ALDH1A3: variants seen among roughly 807,000 people sequenced by gnomAD.
The protein encoded by ALDH1A3 is retinaldehyde dehydrogenase 3.
In ALDH1A3, 28 loss-of-function variants were observed where a neutral mutation model predicts 57.5. The observed-to-expected ratio is 0.49, with a 90% CI of 0.36 to 0.67. The LOEUF (loss-of-function observed/expected upper bound fraction) is 0.67. Among genes scored for constraint, ALDH1A3 ranks in the 30% least tolerant of loss-of-function variants. The pLI is 0.00. For synonymous variants in ALDH1A3, 281 were observed against 264.8 expected (o/e 1.06, Z -0.59); for missense variants, 507 against 669.4 (o/e 0.76, Z 2.68).
At position 100,887,723 on chromosome 15, in the gene ALDH1A3, G is replaced by C; in HGVS notation, c.345+11G>C. ...CGCGCCACCTTGGCCGTGAGTACATGCACTTGGGGGCCGGTGGGGGATGAG... is the reference window on the plus strand; with the variant it reads ...CGCGCCACCTTGGCCGTGAGTACATCCACTTGGGGGCCGGTGGGGGATGAG... On this transcript the variant is annotated intron_variant, in intron 3 of 12. Transcript: ENST00000329841. The surrounding 1 kb of genome is among the most constrained non-coding windows in gnomAD (Gnocchi z 4.6). The C allele has an allele frequency of 6.3e-7, 1 of 1,575,486 alleles. No homozygotes were observed. Among genetic ancestry groups the C allele is most frequent in the South Asian group, 1.2e-5 (1 of 85,918 alleles).
rs1596124869 is a variant in ALDH1A3 at position 100,893,122 on chromosome 15, A to G, written c.537+116A>G. Reference sequence around the variant, plus strand: ...CTGATTGCACCAGCGTTGAACAAGCATTTTCTTCGTGGCATGGAACTCCAT... The same window carrying G: ...CTGATTGCACCAGCGTTGAACAAGCGTTTTCTTCGTGGCATGGAACTCCAT... On this transcript the variant is annotated intron_variant, in intron 5 of 12. Coordinates refer to ENST00000329841, the MANE Select transcript of ALDH1A3 (RefSeq NM_000693.4). This position sits in a 1 kb window ranked among gnomAD's most constrained non-coding sequence, Gnocchi z 4.8. 1.1e-6 allele frequency: 1 copy of G among 922,740 alleles called. No individual in the cohort carries two copies. The highest frequency in any genetic ancestry group is 1.6e-6 in the Non-Finnish European group (1 of 621,170). 57.2% of individuals were successfully genotyped at this position (922,740 alleles called of 1,614,324 possible). A position where few individuals can be genotyped will look rare whatever the true frequency, so the allele number is the denominator to read the frequency against.
Position 100,895,623 on chromosome 15 carries a change from G to A in ALDH1A3, c.667-310G>A, listed in dbSNP as rs570241409. On this transcript the variant is annotated intron_variant, in intron 6 of 12. Coordinates refer to ENST00000329841, the MANE Select transcript of ALDH1A3 (RefSeq NM_000693.4). ...CATGGAAAGGTGCTGTGCTACAGGC[G>A]GGCCATGGCCACCTTGAAGCATAAC... is the stretch of plus-strand genomic sequence containing the variant. 29 of 387,986 alleles carry A rather than the reference G, an allele frequency of 7.5e-5. 1 individual carries two copies. Among genetic ancestry groups the A allele is most frequent in the South Asian group, 6.0e-4 (17 of 28,228 alleles). The allele number at this position is 387,986 out of a possible 1,614,324, so 24.0% of individuals were successfully genotyped here. A position where few individuals can be genotyped will look rare whatever the true frequency, so the allele number is the denominator to read the frequency against.
chr15:100,900,366 T>A (rs2041753992), intron 8 of ALDH1A3, among the ~76,000 whole-genome samples: 1 of 152,214 alleles, frequency 6.6e-6, no homozygotes, highest in Non-Finnish European at 1.5e-5. Context: ...GGGAATTGAT[T>A]TAACCCCAAA....
chr15:100,905,425 G>T, intron 9 of ALDH1A3, 98 bp from the exon 10 acceptor site: 1 of 1,437,216 alleles, frequency 7.0e-7, no homozygotes. Flanking sequence ...AACATGCAGA[G>T]GGAGGATGGC....
At chr15:100,883,337 C>A (rs1009687175) in intron 1 of ALDH1A3, among the ~76,000 whole-genome samples, 2 of 152,220 alleles carry the variant, frequency 1.3e-5, no homozygotes, top group African/African-American at 4.8e-5. Flanking sequence ...CTCGCTGTTA[C>A]CAAGTGATGA....
intron 12 of ALDH1A3, among the ~76,000 whole-genome samples, chr15:100,911,235 C>T (rs538683154): frequency 6.6e-6 from 1 of 152,328 alleles, no homozygotes; most frequent in Non-Finnish European, 1.5e-5. Context: ...GCTGGAGCAT[C>T]GTGCGGGGGA....
At chr15:100,881,970 AGAGT>A (rs2041551656) in intron 1 of ALDH1A3, among the ~76,000 whole-genome samples, 1 of 152,176 alleles carries the variant, frequency 6.6e-6, no homozygotes, top group Non-Finnish European at 1.5e-5. Flanking sequence ...GAGGCGGCCG[AGAGT>A]GAGGCCACCA....
At chr15:100,896,559 A>G (rs1421621412) in intron 7 of ALDH1A3, among the ~76,000 whole-genome samples, 1 of 152,224 alleles carries the variant, frequency 6.6e-6, no homozygotes, top group Non-Finnish European at 1.5e-5. Flanking sequence ...TGCCTGCCAG[A>G]TTGCTAAGAA....
chr15:100,889,053 G>A lies in ALDH1A3; in HGVS notation c.345+1341G>A, dbSNP rs1205337999. 1 of 152,236 alleles carries A rather than the reference G, an allele frequency of 6.6e-6. No individual in the cohort carries two copies. Among genetic ancestry groups the A allele is most frequent in the Non-Finnish European group, 1.5e-5 (1 of 68,064 alleles). The allele number at this position is 152,236 out of a possible 1,614,324, so 9.4% of individuals were successfully genotyped here. A position where few individuals can be genotyped will look rare whatever the true frequency, so the allele number is the denominator to read the frequency against. On this transcript the variant is annotated intron_variant, in intron 3 of 12. Coordinates refer to ENST00000329841, the MANE Select transcript of ALDH1A3 (RefSeq NM_000693.4). This position sits in a 1 kb window ranked among gnomAD's most constrained non-coding sequence, Gnocchi z 5.1. Reference sequence around the variant, plus strand: ...CCTCAGACCCTCCTCTGGTCATGAGGGAGTGATCAGAGGACATCTCAGGGC... The same window carrying A: ...CCTCAGACCCTCCTCTGGTCATGAGAGAGTGATCAGAGGACATCTCAGGGC...
intron 11 of ALDH1A3, 54 bp downstream of exon 11, chr15:100,907,332 C>A: frequency 1.3e-6 from 2 of 1,557,008 alleles, no homozygotes; most frequent in Admixed American, 1.8e-5. Flanking sequence ...TTGCTAAGTT[C>A]ATTATTCTTC....
At chr15:100,888,942 C>T (rs1306965872) in intron 3 of ALDH1A3, 1 of 152,082 alleles carries the variant, frequency 6.6e-6, no homozygotes, top group African/African-American at 2.4e-5. Context: ...TTCTAGATAC[C>T]CTAGGTGGGG....
At chr15:100,909,386 CTT>C (rs1271310074) in intron 12 of ALDH1A3, among the ~76,000 whole-genome samples, 1 of 150,832 alleles carries the variant, frequency 6.6e-6, no homozygotes, top group Non-Finnish European at 1.5e-5. Flanking sequence ...CTGCAAACCC[CTT>C]TGTGTGTGTG....
chr15:100,899,874 A>G (rs1228575032), intron 8 of ALDH1A3, among the ~76,000 whole-genome samples: 1 of 152,228 alleles, frequency 6.6e-6, no homozygotes, highest in Non-Finnish European at 1.5e-5. Context: ...GCCAGCCTCT[A>G]TGCAAAGGAA....
rs752869932 is a variant in ALDH1A3 at position 100,893,888 on chromosome 15, G to A, written c.538-66G>A. The A allele has an allele frequency of 1.5e-4, 230 of 1,564,202 alleles. No homozygotes were observed. The highest frequency in any genetic ancestry group is 1.8e-4 in the East Asian group (8 of 44,442). On this transcript the variant is annotated intron_variant, in intron 5 of 12. Transcript: ENST00000329841. The surrounding 1 kb of genome is among the most constrained non-coding windows in gnomAD (Gnocchi z 4.8). ...AGCAAGTGTCCTCCACAAAGGCATC[G>A]TTGAGCACATGGGACAGGGTAAGAG... is the stretch of plus-strand genomic sequence containing the variant.
chr15:100,890,161 A>G (rs1178498239), intron 3 of ALDH1A3, among the ~76,000 whole-genome samples: 1 of 151,944 alleles, frequency 6.6e-6, no homozygotes, highest in Non-Finnish European at 1.5e-5. Flanking sequence ...TTTCACCCCA[A>G]GTGCCATTTC....
chr15:100,894,552 C>A lies in ALDH1A3; in HGVS notation c.666+470C>A. 6.4e-6 allele frequency: 1 copy of A among 157,266 alleles called. No homozygotes were observed. Among genetic ancestry groups the A allele is most frequent in the Non-Finnish European group, 1.4e-5 (1 of 70,708 alleles). 9.7% of individuals were successfully genotyped at this position (157,266 alleles called of 1,614,324 possible). ...CTGCTCTGAATGCAATCTCTTCTCC[C>A]TCAGGCAGCCAGAACTTAGGGAAAC... On this transcript the variant is annotated intron_variant, in intron 6 of 12. Coordinates refer to ENST00000329841, the MANE Select transcript of ALDH1A3 (RefSeq NM_000693.4). The surrounding 1 kb of genome is among the most constrained non-coding windows in gnomAD (Gnocchi z 4.5).
At chr15:100,884,202 G>A (rs1383772891) in intron 1 of ALDH1A3, among the ~76,000 whole-genome samples, 9 of 152,190 alleles carry the variant, frequency 5.9e-5, no homozygotes, top group Non-Finnish European at 1.2e-4. Context: ...CCTCCGTGCT[G>A]TCGGAATGTG....
Position 100,893,775 on chromosome 15 carries a change from G to T in ALDH1A3, c.538-179G>T, listed in dbSNP as rs1191289290. On this transcript the variant is annotated intron_variant, in intron 5 of 12. Coordinates refer to ENST00000329841, the MANE Select transcript of ALDH1A3 (RefSeq NM_000693.4). The surrounding 1 kb of genome is among the most constrained non-coding windows in gnomAD (Gnocchi z 4.8). ...GCTGCCTATTAGTACCACCCAGAAT[G>T]CAGTTTAGGAAGTGCTGTGCAGGAT... The T allele has an allele frequency of 2.8e-6, 2 of 726,514 alleles. No individual in the cohort carries two copies. Among genetic ancestry groups the T allele is most frequent in the Non-Finnish European group, 4.3e-6 (2 of 462,452 alleles). 45.0% of individuals were successfully genotyped at this position (726,514 alleles called of 1,614,324 possible). A position where few individuals can be genotyped will look rare whatever the true frequency, so the allele number is the denominator to read the frequency against.
At position 100,912,924 on chromosome 15, in the gene ALDH1A3, C is replaced by T. The variant is rs574382640; in HGVS notation, c.1467-1777C>T. On this transcript the variant is annotated intron_variant, in intron 12 of 12. Coordinates refer to ENST00000329841, the MANE Select transcript of ALDH1A3 (RefSeq NM_000693.4). ...CTGTAATCCCAGCACTTTGGGAGGCCGAGGCGGGCGGATCACGAGGTCAGG... is the reference window on the plus strand; with the variant it reads ...CTGTAATCCCAGCACTTTGGGAGGCTGAGGCGGGCGGATCACGAGGTCAGG... 1.4e-4 allele frequency among the ~76,000 whole-genome samples: 4 copies of T among 29,560 alleles called. 1 individual carries two copies. The highest frequency in any genetic ancestry group is 4.3e-3 in the South Asian group (2 of 460). 19.4% of individuals were successfully genotyped at this position (29,560 alleles called of 152,430 possible).
Sources: gnomAD v4.1 joint callset for allele counts (sites outside exome capture counted in the v4.1 genomes callset) on GRCh38, gnomAD v4.1.1 for gene constraint, Gnocchi (gnomAD v3.1) non-coding constraint, MANE v1.5 for transcripts, NCBI Gene and HGNC (gene_info 2026-07-23, HGNC 2026-07-21) for gene names.